The following PLEKHM2 variants were observed in gnomAD, a reference collection of about 807,000 sequenced individuals.
PLEKHM2 encodes the protein pleckstrin homology and RUN domain containing M2.
PLEKHM2 carries 77 observed loss-of-function variants against 116.3 expected under a neutral mutation model. That is an observed-to-expected ratio of 0.66 (90% CI 0.55 to 0.80). The LOEUF is 0.80. Among genes scored for constraint, PLEKHM2 ranks in the 30% least tolerant of loss-of-function variants. The pLI is 0.00. For missense variants in PLEKHM2, 1,183 were observed against 1,354.9 expected (o/e 0.87, Z 1.99); for synonymous variants, 562 against 571.0 (o/e 0.98, Z 0.22).
chr1:15,715,346 T>C (rs1309051427), intron 1 of PLEKHM2, among the ~76,000 whole-genome samples: 1 of 152,026 alleles, frequency 6.6e-6, no homozygotes, highest in Non-Finnish European at 1.5e-5. Flanking sequence ...TGAGACCCTG[T>C]CTCAAAACAA....
chr1:15,733,257 T>C (rs1164915918), intron 19 of PLEKHM2, among the ~76,000 whole-genome samples: 1 of 152,256 alleles, frequency 6.6e-6, no homozygotes, highest in Non-Finnish European at 1.5e-5. Context: ...AGGCCAAAGC[T>C]GAAAACAGAA....
At chr1:15,689,380 G>A (rs1640842757) in intron 1 of PLEKHM2, among the ~76,000 whole-genome samples, 1 of 152,146 alleles carries the variant, frequency 6.6e-6, no homozygotes, top group Admixed American at 6.5e-5. Flanking sequence ...CCGAGGACAG[G>A]CGTGACCTGT....
rs766554809 is a variant in PLEKHM2 at position 15,716,311 on chromosome 1, G to T, written c.135G>T (p.Leu45=). ...IRNHDKVLQR[L]CEHLDHALLY... ...ACCATGACAAGGTCCTACAGCGTCT[G>T]TGTGAGCACCTGGACCACGCCCTGC... Residue 45 remains leucine, a synonymous_variant, in exon 2 of 20, where the codon CTG becomes CTT. Coordinates refer to ENST00000375799, the MANE Select transcript of PLEKHM2 (RefSeq NM_015164.4). 5 of 1,605,870 alleles carry T rather than the reference G, an allele frequency of 3.1e-6. No individual in the cohort carries two copies. The highest frequency in any genetic ancestry group is 1.3e-5 in the African/African-American group (1 of 74,776).
At position 15,727,419 on chromosome 1, in the gene PLEKHM2, G is replaced by A. The variant is rs1257493374; in HGVS notation, c.1347G>A (p.Pro449=). The change falls in exon 9 of 20, where the codon CCG becomes CCA. Residue 449 remains proline, a synonymous_variant. Transcript: ENST00000375799. The surrounding 1 kb of genome is among the most constrained non-coding windows in gnomAD (Gnocchi z 7.5). ...TGSPGDAPER[P]PLCDFSEGLS... is the part of the protein sequence containing the mutation. ...CTCCCGGGGATGCCCCGGAGAGGCC[G>A]CCGCTTTGCGACTTTAGTGAGGGGC... The A allele has an allele frequency of 5.6e-6, 9 of 1,605,730 alleles. No individual in the cohort carries two copies. Among genetic ancestry groups the A allele is most frequent in the South Asian group, 2.2e-5 (2 of 89,970 alleles).
intron 8 of PLEKHM2, 165 bp downstream of exon 8, chr1:15,725,710 G>A: frequency 3.3e-6 from 2 of 607,266 alleles, no homozygotes; most frequent in Admixed American, 5.8e-5. Flanking sequence ...GCAAGAGGAA[G>A]TGGAGGCCTG....
intron 1 of PLEKHM2, 54 bp from the exon 2 acceptor site, chr1:15,716,183 T>C: frequency 8.9e-7 from 1 of 1,125,136 alleles, no homozygotes; most frequent in Admixed American, 2.1e-5. Flanking sequence ...CCAGAACTTT[T>C]GTAGCCTTCC....
chr1:15,727,069 G>A lies in PLEKHM2; in HGVS notation c.997G>A (p.Ala333Thr), dbSNP rs1303514184. 6.6e-7 allele frequency: 1 copy of A among 1,511,080 alleles called. No homozygotes were observed. Among genetic ancestry groups the A allele is most frequent in the South Asian group, 1.3e-5 (1 of 74,478 alleles). 93.6% of individuals were successfully genotyped at this position (1,511,080 alleles called of 1,614,324 possible). A position where few individuals can be genotyped will look rare whatever the true frequency, so the allele number is the denominator to read the frequency against. Reference protein sequence around the residue: ...KKKKSRSDEEASPLHPACSQK... With the variant: ...KKKKSRSDEETSPLHPACSQK... ...GAAAAAGAGCAGATCAGATGAGGAG[G>A]CAAGTCCACTCCACCCCGCCTGCAG... is the stretch of plus-strand genomic sequence containing the variant. The change falls in exon 9 of 20, where the codon GCA (alanine) becomes ACA (threonine). Residue 333 changes from alanine to threonine, a missense_variant. By Grantham distance (58) the Ala-to-Thr change is moderately conservative. Around this residue, in one of 3 missense-constraint regions of PLEKHM2, gnomAD observed 372 missense variants for 357.2 expected, o/e 1.04. Coordinates refer to ENST00000375799, the MANE Select transcript of PLEKHM2 (RefSeq NM_015164.4). This position sits in a 1 kb window ranked among gnomAD's most constrained non-coding sequence, Gnocchi z 7.5.
intron 1 of PLEKHM2, among the ~76,000 whole-genome samples, chr1:15,710,728 C>T (rs1319874018): frequency 5.9e-5 from 9 of 152,178 alleles, no homozygotes; most frequent in Admixed American, 3.3e-4. Context: ...GGAGGACCAG[C>T]ACAGGAATAT....
chr1:15,683,358 T>G (rs1203347681), upstream of PLEKHM2, among the ~76,000 whole-genome samples: 2 of 150,108 alleles, frequency 1.3e-5, no homozygotes, highest in African/African-American at 4.9e-5. Flanking sequence ...AAGTGGGGCT[T>G]GCAGGCTAAG....
intron 8 of PLEKHM2, 122 bp from the exon 9 acceptor site, chr1:15,726,892 A>G (rs576428240): frequency 1.1e-5 from 7 of 636,004 alleles, no homozygotes; most frequent in East Asian, 8.6e-5. Context: ...GCCTAGGACC[A>G]CTGACGCACT....
In PLEKHM2 at chr1:15,728,257, C is replaced by T. The variant is rs750051545; in HGVS notation, c.1831-10C>T. On this transcript the variant is annotated splice_polypyrimidine_tract_variant and intron_variant, in intron 10 of 19. Transcript: ENST00000375799. This position sits in a 1 kb window ranked among gnomAD's most constrained non-coding sequence, Gnocchi z 5.9. ...CCACCTGCCTGACCCTTGTCTGCTT[C>T]GGCCCCCAGATGATCCGGATGAGCA... 106 of 1,612,706 alleles carry T rather than the reference C, an allele frequency of 6.6e-5. No homozygotes were observed. In the South Asian group the frequency reaches 8.9e-4, roughly 14 times the overall value.
chr1:15,694,051 T>C (rs1571022054), intron 1 of PLEKHM2, among the ~76,000 whole-genome samples: 2 of 152,154 alleles, frequency 1.3e-5, no homozygotes, highest in South Asian at 4.1e-4. Flanking sequence ...TTGCCACCTC[T>C]GCTGATAAAA....
Position 15,733,910 on chromosome 1 carries a change from A to C in PLEKHM2, c.3036A>C (p.Arg1012=). The C allele has an allele frequency of 6.2e-7, 1 of 1,612,570 alleles. No individual in the cohort carries two copies. Among genetic ancestry groups the C allele is most frequent in the Middle Eastern group, 1.7e-4 (1 of 6,058 alleles). ...GGAGCGACAGTCTCTGCCGCGGCCG[A>C]GCCTCCCGAGACCCCTGGTGCTGAG... ...WQRSDSLCRG[R]ASRDPWC Residue 1012 remains arginine (R), a synonymous_variant, in exon 20 of 20, where the codon CGA becomes CGC. Coordinates refer to ENST00000375799, the MANE Select transcript of PLEKHM2 (RefSeq NM_015164.4).
Position 15,732,681 on chromosome 1 carries a change from G to A in PLEKHM2, c.2875G>A (p.Asp959Asn), listed in dbSNP as rs373643877. The change falls in exon 19 of 20, where the codon GAC (aspartate) becomes AAC (asparagine). Residue 959 changes from aspartate (D) to asparagine (N), a missense_variant. Physicochemically the swap from Asp to Asn is conservative, Grantham distance 23. This residue lies in a region of PLEKHM2 where 594 missense variants were observed against 720.1 expected (regional missense o/e 0.82). Coordinates refer to ENST00000375799, the MANE Select transcript of PLEKHM2 (RefSeq NM_015164.4). ...CTACCTGAGCTGCACTTCTGAACTG[G>A]ACCGATTGCTGTCTGCACTGAACTC... ...VIYLSCTSEL[D>N]RLLSALNSGW... The A allele has an allele frequency of 1.9e-6, 3 of 1,610,866 alleles. No homozygotes were observed. In the African/African-American group the frequency reaches 4.0e-5, roughly 21 times the overall value.
chr1:15,706,404 GTT>G (rs1422586613), intron 1 of PLEKHM2, among the ~76,000 whole-genome samples: 2 of 151,998 alleles, frequency 1.3e-5, no homozygotes, highest in Admixed American at 1.3e-4. Context: ...TTGTTTGTTT[GTT>G]TTTATTATTA....
chr1:15,691,227 G>A (rs150872834), intron 1 of PLEKHM2, among the ~76,000 whole-genome samples: 64 of 152,160 alleles, frequency 4.2e-4, no homozygotes, highest in South Asian at 1.0e-3. Context: ...ATGCCACCAC[G>A]TCCAGCTAAT....
intron 1 of PLEKHM2, among the ~76,000 whole-genome samples, chr1:15,687,240 C>A (rs577778962): frequency 6.6e-6 from 1 of 152,052 alleles, no homozygotes; most frequent in Admixed American, 6.6e-5. Flanking sequence ...GATCTCAGCT[C>A]GCTGCAAGCT....
chr1:15,704,210 TTACTC>T (rs71002922), intron 1 of PLEKHM2, among the ~76,000 whole-genome samples: 31,223 of 151,682 alleles, frequency 0.21, 3,418 homozygotes, highest in African/African-American at 0.28. Flanking sequence ...CTTTATTTCT[TTACTC>T]TACCCTGTTT....
At chr1:15,709,562 A>C (rs1440821825) in intron 1 of PLEKHM2, among the ~76,000 whole-genome samples, 1 of 152,148 alleles carries the variant, frequency 6.6e-6, no homozygotes, top group Admixed American at 6.5e-5. Flanking sequence ...ATGAGAAAAA[A>C]TGAGGGTTAG....
Sources: allele counts gnomAD v4.1 joint callset (sites outside exome capture counted in the v4.1 genomes callset), GRCh38; gene constraint gnomAD v4.1.1; regional missense constraint gnomAD v4.1.1; non-coding constraint Gnocchi (gnomAD v3.1); transcripts MANE v1.5; gene names NCBI Gene and HGNC (gene_info 2026-07-23, HGNC 2026-07-21).